Variants in SATL1 observed in about 807,000 individuals in gnomAD.
SATL1 encodes the protein spermidine/spermine N(1)-acetyltransferase-like protein 1.
In SATL1, 47 loss-of-function variants were observed where a neutral mutation model predicts 51.8. That is an observed-to-expected ratio of 0.91 (90% confidence interval 0.72 to 1.16). The LOEUF (loss-of-function observed/expected upper bound fraction) is 1.16. Among genes scored for constraint, SATL1 ranks in the 50% most tolerant of loss-of-function variants. SATL1 has a pLI of 0.00. For synonymous variants in SATL1, 176 were observed against 182.4 expected (o/e 0.97, Z 0.28); for missense variants, 520 against 526.4 (o/e 0.99, Z 0.12).
At chrX:85,146,007 CT>C (rs1193325600) in intron 2 of SATL1, among the ~76,000 whole-genome samples, 1 of 109,782 alleles carries the variant, frequency 9.1e-6, no homozygotes, top group Admixed American at 9.7e-5. Context: ...CACCATTCTC[CT>C]GCCTCAGCCT....
chrX:85,152,153 G>T (rs778524895), intron 2 of SATL1, among the ~76,000 whole-genome samples: 2 of 111,565 alleles, frequency 1.8e-5, no homozygotes, highest in East Asian at 2.8e-4. Flanking sequence ...AAATGTGGGC[G>T]AAGGATATGA....
intron 1 of SATL1, among the ~76,000 whole-genome samples, chrX:85,239,198 A>T (rs1225919593): frequency 8.9e-6 from 1 of 111,957 alleles, no homozygotes; most frequent in Non-Finnish European, 1.9e-5. Flanking sequence ...CCAAGCCCAG[A>T]CATATTATAT....
intron 2 of SATL1, among the ~76,000 whole-genome samples, chrX:85,120,804 C>G (rs1213229616): frequency 1.8e-5 from 2 of 111,169 alleles, no homozygotes; most frequent in African/African-American, 6.5e-5. Flanking sequence ...AGTTGTCTGT[C>G]ATAGCAAGGC....
chrX:85,213,391 T>C (rs1927970171), intron 2 of SATL1, among the ~76,000 whole-genome samples: 1 of 111,908 alleles, frequency 8.9e-6, no homozygotes. Context: ...TATTTCCTTG[T>C]AGAAGTGTTT....
chrX:85,221,555 C>T (rs1032075605), intron 2 of SATL1, among the ~76,000 whole-genome samples: 1 of 111,891 alleles, frequency 8.9e-6, no homozygotes, highest in African/African-American at 3.3e-5. Flanking sequence ...TTGCTATGTG[C>T]TCTAGTCATA....
chrX:85,116,681 TAAC>T (rs1480052677), intron 2 of SATL1, among the ~76,000 whole-genome samples: 2 of 111,093 alleles, frequency 1.8e-5, no homozygotes, highest in African/African-American at 6.6e-5. Context: ...GAGAAACAGT[TAAC>T]AACCAACTGA....
chrX:85,220,958 C>T (rs1045927109), intron 2 of SATL1, among the ~76,000 whole-genome samples: 3 of 111,315 alleles, frequency 2.7e-5, no homozygotes, highest in Admixed American at 9.6e-5. Flanking sequence ...ATACCACCAC[C>T]TTTTCCCTGG....
chrX:85,152,132 C>T (rs1233712422), intron 2 of SATL1, among the ~76,000 whole-genome samples: 1 of 111,515 alleles, frequency 9.0e-6, no homozygotes. Context: ...AAAAAACAAA[C>T]AATCCCATCA....
chrX:85,184,147 T>C (rs1453680069), intron 2 of SATL1, among the ~76,000 whole-genome samples: 1 of 111,793 alleles, frequency 8.9e-6, no homozygotes, highest in Non-Finnish European at 1.9e-5. Context: ...TAGTTTTCCA[T>C]TGAGTATAGG....
intron 2 of SATL1, among the ~76,000 whole-genome samples, chrX:85,183,476 T>G (rs1316491266): frequency 9.0e-6 from 1 of 111,287 alleles, no homozygotes; most frequent in Non-Finnish European, 1.9e-5. Flanking sequence ...TACTAAGGCT[T>G]TGTAGTATAT....
chrX:85,106,195 A>C (rs1173005610), intron 3 of SATL1, among the ~76,000 whole-genome samples: 1 of 112,130 alleles, frequency 8.9e-6, no homozygotes, highest in African/African-American at 3.2e-5. Context: ...GATCTGTAAT[A>C]ATCTCTTGGG....
At chrX:85,124,757 A>T (rs767679852) in intron 2 of SATL1, among the ~76,000 whole-genome samples, 1 of 111,134 alleles carries the variant, frequency 9.0e-6, no homozygotes, top group East Asian at 2.8e-4. Flanking sequence ...AACAAGTTAT[A>T]TGAAGCAGAT....
intron 2 of SATL1, chrX:85,210,715 G>T (rs1927902233): frequency 9.0e-6 from 1 of 111,687 alleles, no homozygotes; most frequent in Admixed American, 9.5e-5. Flanking sequence ...AGGAAGCAAA[G>T]GTCAGAGGGA....
intron 2 of SATL1, among the ~76,000 whole-genome samples, chrX:85,125,611 C>A (rs909951638): frequency 2.8e-5 from 3 of 107,282 alleles, no homozygotes; most frequent in Admixed American, 1.0e-4. Flanking sequence ...ATGGTAGATA[C>A]AACTTATAAA....
At chrX:85,227,689 A>C (rs185717570) in intron 1 of SATL1, among the ~76,000 whole-genome samples, 1 of 110,942 alleles carries the variant, frequency 9.0e-6, no homozygotes, top group Non-Finnish European at 1.9e-5. Context: ...TTTATCAAGA[A>C]ATAAACTGGG....
chrX:85,197,311 T>C (rs945231514), intron 2 of SATL1, among the ~76,000 whole-genome samples: 4 of 111,381 alleles, frequency 3.6e-5, no homozygotes, highest in African/African-American at 1.3e-4. Context: ...TGCATAATAA[T>C]CACATCAATG....
intron 2 of SATL1, among the ~76,000 whole-genome samples, chrX:85,152,516 A>G (rs1481775286): frequency 9.0e-6 from 1 of 111,418 alleles, no homozygotes; most frequent in Non-Finnish European, 1.9e-5. Flanking sequence ...ACACATGCAC[A>G]CGTATGTTTA....
At chrX:85,188,318 G>A (rs190143308) in intron 2 of SATL1, among the ~76,000 whole-genome samples, 1 of 111,719 alleles carries the variant, frequency 9.0e-6, no homozygotes, top group Non-Finnish European at 1.9e-5. Flanking sequence ...TGAGTGAGGT[G>A]AGATGTGCAG....
intron 2 of SATL1, among the ~76,000 whole-genome samples, chrX:85,179,423 C>T (rs1020048190): frequency 1.8e-5 from 2 of 111,459 alleles, no homozygotes; most frequent in Non-Finnish European, 3.8e-5. Flanking sequence ...TACTAAGCTC[C>T]GAGTTTGGAA....
Sources: allele counts gnomAD v4.1 joint callset (sites outside exome capture counted in the v4.1 genomes callset), GRCh38; gene constraint gnomAD v4.1.1; transcripts MANE v1.5; gene names NCBI Gene and HGNC (gene_info 2026-07-23, HGNC 2026-07-21).